Variants in PHTF1 observed in about 807,000 individuals in gnomAD.
The protein encoded by PHTF1 is protein PHTF1.
A neutral mutation model predicts 102.4 loss-of-function variants in PHTF1; 88 were observed. The ratio of observed to expected loss-of-function variants is 0.86; its 90% CI spans 0.72 to 1.03. The LOEUF (loss-of-function observed/expected upper bound fraction) is 1.03. Ranked by LOEUF, PHTF1 falls within the 50% of genes least tolerant of loss-of-function variation. The pLI, the probability that PHTF1 is intolerant of heterozygous loss-of-function variation, is 0.00. For missense variants in PHTF1, 814 were observed against 909.5 expected (o/e 0.89, Z 1.35); for synonymous variants, 289 against 305.2 (o/e 0.95, Z 0.55).
rs1659328042 is a variant in PHTF1, at chr1:113,759,109, G to GGGCCAGGCA, written c.-126_-118dup. ...ACCGTGAGGCCGGGGGCGAGGCGGC[G>GGGCCAGGCA]GGCCAGGCAGGCCGCATCTTCCCCT... is the stretch of plus-strand genomic sequence containing the variant. On this transcript the variant is annotated 5_prime_UTR_variant, in exon 1 of 19. Transcript: ENST00000369604. The GGGCCAGGCA allele has an allele frequency of 4.1e-6, 4 of 987,014 alleles. No homozygotes were observed. The Admixed American group carries it at 1.8e-4, about 45-fold the overall frequency. The allele number at this position is 987,014 out of a possible 1,614,324, so 61.1% of individuals were successfully genotyped here. A position where few individuals can be genotyped will look rare whatever the true frequency, so the allele number is the denominator to read the frequency against.
intron 7 of PHTF1, among the ~76,000 whole-genome samples, chr1:113,723,113 A>T (rs1376500318): frequency 2.0e-5 from 3 of 151,928 alleles, no homozygotes; most frequent in Non-Finnish European, 4.4e-5. Flanking sequence ...TGGCATAAAA[A>T]CACATCGGCC....
chr1:113,749,338 T>C (rs1657676772), intron 3 of PHTF1, among the ~76,000 whole-genome samples: 2 of 152,366 alleles, frequency 1.3e-5, no homozygotes, highest in East Asian at 1.9e-4. Flanking sequence ...GCATTTTGAA[T>C]AGTGGACCTC....
chr1:113,741,682 A>T (rs1656380917), intron 3 of PHTF1, among the ~76,000 whole-genome samples: 1 of 152,200 alleles, frequency 6.6e-6, no homozygotes, highest in Non-Finnish European at 1.5e-5. Flanking sequence ...TCACTCAGTC[A>T]ACAAATATTC....
At chr1:113,698,164 C>T (rs1198691695) in intron 18 of PHTF1, 98 bp downstream of exon 18, 4 of 657,118 alleles carry the variant, frequency 6.1e-6, no homozygotes, top group Non-Finnish European at 9.8e-6. Context: ...CACACACACA[C>T]ACACACACAC....
chr1:113,718,297 G>A (rs1385119503), intron 7 of PHTF1, among the ~76,000 whole-genome samples: 1 of 152,202 alleles, frequency 6.6e-6, no homozygotes, highest in Non-Finnish European at 1.5e-5. Flanking sequence ...CAAAAGGTGG[G>A]TTCACATGGT....
chr1:113,701,623 C>T (rs1187329546), intron 15 of PHTF1, among the ~76,000 whole-genome samples: 2 of 151,666 alleles, frequency 1.3e-5, no homozygotes, highest in Non-Finnish European at 2.9e-5. Flanking sequence ...ACGTAGGCTC[C>T]CATCTCCACT....
At chr1:113,736,329 G>A (rs1436747772) in intron 5 of PHTF1, among the ~76,000 whole-genome samples, 5 of 143,182 alleles carry the variant, frequency 3.5e-5, no homozygotes, top group African/African-American at 1.3e-4. Flanking sequence ...GCAACAGAGC[G>A]AGACTCCATC....
At chr1:113,744,043 A>C (rs1656826938) in intron 3 of PHTF1, among the ~76,000 whole-genome samples, 1 of 152,214 alleles carries the variant, frequency 6.6e-6, no homozygotes, top group Non-Finnish European at 1.5e-5. Flanking sequence ...TAACTTTGAG[A>C]GGTTCAATGG....
At chr1:113,718,953 T>C (rs1236830896) in intron 7 of PHTF1, among the ~76,000 whole-genome samples, 1 of 152,228 alleles carries the variant, frequency 6.6e-6, no homozygotes, top group Non-Finnish European at 1.5e-5. Flanking sequence ...TATGCAAATT[T>C]CTGCAGCCAG....
intron 5 of PHTF1, among the ~76,000 whole-genome samples, chr1:113,731,894 C>T (rs577241221): frequency 1.5e-5 from 2 of 137,412 alleles, no homozygotes; most frequent in East Asian, 4.3e-4. Context: ...AAGACGCCGT[C>T]TCAATTTTAA....
chr1:113,700,886 T>C lies in PHTF1; in HGVS notation c.1954A>G (p.Thr652Ala). The C allele has an allele frequency of 6.2e-7, 1 of 1,613,348 alleles. No individual in the cohort carries two copies. The highest frequency in any genetic ancestry group is 8.5e-7 in the Non-Finnish European group (1 of 1,179,692). The change falls in exon 16 of 19, where the codon ACA becomes GCA. Residue 652 changes from threonine to alanine, a missense_variant. Thr to Ala is a moderately conservative substitution (Grantham distance 58). Coordinates refer to ENST00000369604, the MANE Select transcript of PHTF1 (RefSeq NM_001323043.2). ...AYNWEFLIWE[T>A]ALLLFLLRLA... ...CGCAATAAAAAAAGTAGTAAAGCTG[T>C]TTCCCAGATCAAAAACTCCCAGTTA...
rs375431423 is a variant in PHTF1 at position 113,705,687 on chromosome 1, C to G, written c.1671+203G>C. The G allele has an allele frequency of 2.7e-4, 145 of 533,178 alleles. No individual in the cohort carries two copies. In the South Asian group the frequency reaches 3.8e-3, roughly 14 times the overall value. The allele number at this position is 533,178 out of a possible 1,614,324, so 33.0% of individuals were successfully genotyped here. ...TAAGCCACTTATTCTACACATGAGG[C>G]CTGGCAAAATTTCAGATTACAACGT... On this transcript the variant is annotated intron_variant, in intron 13 of 18. Transcript: ENST00000369604.
chr1:113,716,282 G>C (rs570455605), intron 7 of PHTF1, among the ~76,000 whole-genome samples: 1 of 150,822 alleles, frequency 6.6e-6, no homozygotes, highest in South Asian at 2.1e-4. Context: ...ACTTCTCAGT[G>C]CAAACTTTAC....
chr1:113,722,812 A>G (rs1271106075), intron 7 of PHTF1, among the ~76,000 whole-genome samples: 1 of 150,710 alleles, frequency 6.6e-6, no homozygotes, highest in Middle Eastern at 3.2e-3. Flanking sequence ...AATCCCAGCT[A>G]CTCGGGAGGC....
At chr1:113,727,639 A>G (rs1195061797) in intron 5 of PHTF1, among the ~76,000 whole-genome samples, 1 of 152,226 alleles carries the variant, frequency 6.6e-6, no homozygotes. Context: ...TCACATCTAT[A>G]CAAATCATCT....
At chr1:113,753,680 G>A (rs932225315) in intron 3 of PHTF1, among the ~76,000 whole-genome samples, 12 of 151,440 alleles carry the variant, frequency 7.9e-5, no homozygotes, top group East Asian at 1.9e-4. Context: ...TGCCTGCCTC[G>A]GCCTCCCTGC....
chr1:113,716,384 G>C (rs1014319122), intron 7 of PHTF1, among the ~76,000 whole-genome samples: 1 of 107,692 alleles, frequency 9.3e-6, no homozygotes, highest in Admixed American at 1.4e-4. Flanking sequence ...GATCTCAGTT[G>C]CCCAGGCTGG....
chr1:113,706,462 T>C lies in PHTF1; in HGVS notation c.1398+132A>G, dbSNP rs1359035153. 14 of 534,586 alleles carry C rather than the reference T, an allele frequency of 2.6e-5. No individual in the cohort carries two copies. In the Admixed American group the frequency reaches 5.0e-4, roughly 19 times the overall value. The allele number at this position is 534,586 out of a possible 1,614,324, so 33.1% of individuals were successfully genotyped here. A position where few individuals can be genotyped will look rare whatever the true frequency, so the allele number is the denominator to read the frequency against. On this transcript the variant is annotated intron_variant, in intron 12 of 18. Transcript: ENST00000369604. Reference sequence around the variant, plus strand: ...TTACATATATATGTTAATAATGTTATTATATATAATATGATATATATGTGC... The same window carrying C: ...TTACATATATATGTTAATAATGTTACTATATATAATATGATATATATGTGC...
chr1:113,750,267 G>A (rs908765105), intron 3 of PHTF1, among the ~76,000 whole-genome samples: 13 of 151,986 alleles, frequency 8.6e-5, no homozygotes, highest in South Asian at 2.1e-4. Context: ...AGGCGTGAGC[G>A]ACCACGCATG....
Sources: allele counts gnomAD v4.1 joint callset (sites outside exome capture counted in the v4.1 genomes callset), GRCh38; gene constraint gnomAD v4.1.1; transcripts MANE v1.5; gene names NCBI Gene and HGNC (gene_info 2026-07-23, HGNC 2026-07-21).